RNGTT: variants seen among roughly 807,000 people sequenced by gnomAD.
RNGTT encodes mRNA-capping enzyme.
RNGTT carries 33 observed loss-of-function variants against 79.3 expected under a neutral mutation model. The ratio of observed to expected loss-of-function variants is 0.42; its 90% confidence interval spans 0.32 to 0.56. The LOEUF is 0.56. RNGTT is among the 20% of genes least tolerant of loss of function. The probability of loss-of-function intolerance (pLI) is 0.17; values close to 1 mark genes in which losing one functional copy is unlikely to be tolerated. For synonymous variants in RNGTT, 222 were observed against 235.9 expected (o/e 0.94, Z 0.54); for missense variants, 497 against 739.1 (o/e 0.67, Z 3.80).
intron 11 of RNGTT, among the ~76,000 whole-genome samples, chr6:88,812,739 A>G (rs1354001151): frequency 6.6e-6 from 1 of 152,234 alleles, no homozygotes; most frequent in African/African-American, 2.4e-5. Context: ...TTTACATATC[A>G]TATGAGATTA....
intron 6 of RNGTT, among the ~76,000 whole-genome samples, chr6:88,901,754 G>A (rs193087287): frequency 2.0e-4 from 30 of 152,004 alleles, no homozygotes; most frequent in East Asian, 1.7e-3. Flanking sequence ...TGATTCGCCC[G>A]CCTCAGTGCT....
At chr6:88,681,392 GTTCTTTCTTATTCATATAC>G (rs1035527501) in intron 13 of RNGTT, among the ~76,000 whole-genome samples, 1 of 151,896 alleles carries the variant, frequency 6.6e-6, no homozygotes, top group Non-Finnish European at 1.5e-5. Flanking sequence ...AAAAAACACT[GTTCTTTCTTATTCATATAC>G]TTCTTTCTTA....
intron 1 of RNGTT, among the ~76,000 whole-genome samples, chr6:88,943,116 C>G (rs1442664220): frequency 6.6e-6 from 1 of 152,170 alleles, no homozygotes; most frequent in Non-Finnish European, 1.5e-5. Flanking sequence ...CATCAATGTG[C>G]TAATGACTTA....
At chr6:88,946,158 G>A (rs1785002664) in intron 1 of RNGTT, among the ~76,000 whole-genome samples, 2 of 152,168 alleles carry the variant, frequency 1.3e-5, no homozygotes, top group Non-Finnish European at 2.9e-5. Context: ...CCAACAGTAT[G>A]TACTCATTTT....
intron 13 of RNGTT, among the ~76,000 whole-genome samples, chr6:88,701,526 AAC>A (rs1310375225): frequency 2.8e-5 from 4 of 144,960 alleles, no homozygotes; most frequent in African/African-American, 1.2e-4. Flanking sequence ...CAAATGCAAC[AAC>A]AAAAAATTAT....
At chr6:88,663,141 T>TC (rs1453878438) in intron 14 of RNGTT, among the ~76,000 whole-genome samples, 1 of 152,058 alleles carries the variant, frequency 6.6e-6, no homozygotes, top group African/African-American at 2.4e-5. Flanking sequence ...CTTTTTCCCT[T>TC]CCCCCTTTGT....
chr6:88,697,137 A>G (rs1775703452), intron 13 of RNGTT, among the ~76,000 whole-genome samples: 1 of 152,220 alleles, frequency 6.6e-6, no homozygotes, highest in Non-Finnish European at 1.5e-5. Context: ...TGACAGAAAC[A>G]TGAACTATAA....
chr6:88,739,122 T>C (rs9351174), intron 13 of RNGTT, among the ~76,000 whole-genome samples: 19,761 of 152,074 alleles, frequency 0.13, 1,455 homozygotes, highest in Middle Eastern at 0.23. Context: ...CTTGATTAAA[T>C]GAGATAATGT....
intron 12 of RNGTT, among the ~76,000 whole-genome samples, chr6:88,779,192 C>T (rs924534318): frequency 6.6e-6 from 1 of 152,010 alleles, no homozygotes; most frequent in Admixed American, 6.6e-5. Flanking sequence ...AGAATAGGCC[C>T]AAGAAAAAGA....
At chr6:88,907,711 G>GA (rs1783700977) in intron 4 of RNGTT, among the ~76,000 whole-genome samples, 1 of 150,896 alleles carries the variant, frequency 6.6e-6, no homozygotes, top group Non-Finnish European at 1.5e-5. Context: ...TTAATTAAAG[G>GA]ATATCCTAAT....
intron 4 of RNGTT, among the ~76,000 whole-genome samples, chr6:88,908,622 T>C (rs773994831): frequency 2.2e-4 from 33 of 152,144 alleles, no homozygotes; most frequent in Non-Finnish European, 3.5e-4. Flanking sequence ...ACTCCCACCA[T>C]GGTCCTCTGG....
chr6:88,707,725 T>TA (rs60313151), intron 13 of RNGTT, among the ~76,000 whole-genome samples: 9,989 of 123,490 alleles, frequency 0.081, 867 homozygotes, highest in African/African-American at 0.23. Context: ...TCCCTAACAT[T>TA]AAAAAAAAAA....
chr6:88,658,444 C>A (rs1043082459), intron 14 of RNGTT, among the ~76,000 whole-genome samples: 1 of 152,234 alleles, frequency 6.6e-6, no homozygotes, highest in Non-Finnish European at 1.5e-5. Context: ...CACTCCCCAG[C>A]ACTAGCCAGG....
intron 8 of RNGTT, among the ~76,000 whole-genome samples, chr6:88,880,595 C>T (rs1009618948): frequency 6.6e-6 from 1 of 152,140 alleles, no homozygotes; most frequent in Admixed American, 6.5e-5. Context: ...ACATTATTCC[C>T]ACAGCCTTAC....
chr6:88,769,137 T>A (rs1000826128), intron 13 of RNGTT, among the ~76,000 whole-genome samples: 5 of 152,178 alleles, frequency 3.3e-5, no homozygotes, highest in Non-Finnish European at 7.3e-5. Flanking sequence ...CACTTTACAA[T>A]TTAACAAAGT....
At chr6:88,621,793 G>C (rs549433734) in intron 14 of RNGTT, among the ~76,000 whole-genome samples, 1 of 152,040 alleles carries the variant, frequency 6.6e-6, no homozygotes, top group African/African-American at 2.4e-5. Flanking sequence ...CTGAAACTTA[G>C]TTGTTACCTG....
intron 13 of RNGTT, among the ~76,000 whole-genome samples, chr6:88,709,545 CAT>C (rs1288513975): frequency 6.6e-6 from 1 of 152,020 alleles, no homozygotes. Context: ...AATACAAGCA[CAT>C]ATATAATTTT....
intron 14 of RNGTT, among the ~76,000 whole-genome samples, chr6:88,636,834 G>C (rs1305657380): frequency 6.6e-6 from 1 of 151,058 alleles, no homozygotes. Context: ...GGCAGTTTAA[G>C]GACAATTCTA....
chr6:88,952,265 G>A (rs1288667921), intron 1 of RNGTT, among the ~76,000 whole-genome samples: 1 of 152,060 alleles, frequency 6.6e-6, no homozygotes, highest in East Asian at 1.9e-4. Flanking sequence ...GCTACAGCAA[G>A]CCCCACCCAA....
Sources: gnomAD v4.1 joint callset for allele counts (sites outside exome capture counted in the v4.1 genomes callset) on GRCh38, gnomAD v4.1.1 for gene constraint, MANE v1.5 for transcripts, NCBI Gene and HGNC (gene_info 2026-07-23, HGNC 2026-07-21) for gene names.